Variants in USP9X observed in about 807,000 individuals in gnomAD.
USP9X encodes ubiquitin specific peptidase 9 X-linked, also known as ubiquitin carboxyl-terminal hydrolase 9X.
Under a neutral mutation model 190.3 loss-of-function variants are expected in USP9X, and 7 were observed. The ratio of observed to expected loss-of-function variants is 0.04; its 90% CI spans 0.02 to 0.07. USP9X has a LOEUF of 0.07. Among genes scored for constraint, USP9X ranks in the 10% least tolerant of loss-of-function variants. The probability of loss-of-function intolerance (pLI) is 1.00; values close to 1 mark genes in which losing one functional copy is unlikely to be tolerated. For missense variants in USP9X, 1,010 were observed against 1,916.9 expected (o/e 0.53, Z 8.83); for synonymous variants, 645 against 659.5 (o/e 0.98, Z 0.34).
At chrX:41,213,843 G>A (rs2063187877) in intron 33 of USP9X, among the ~76,000 whole-genome samples, 1 of 111,941 alleles carries the variant, frequency 8.9e-6, no homozygotes, top group South Asian at 3.7e-4. Flanking sequence ...TTTTTCCGGA[G>A]TTTAAAATTC....
chrX:41,180,051 T>C (rs758079912), intron 21 of USP9X, among the ~76,000 whole-genome samples: 3 of 111,686 alleles, frequency 2.7e-5, no homozygotes, highest in Non-Finnish European at 5.6e-5. Context: ...CTGATAAATA[T>C]AGTGCAGTAC....
intron 21 of USP9X, among the ~76,000 whole-genome samples, chrX:41,181,351 T>G (rs1396497621): frequency 1.1e-5 from 1 of 94,885 alleles, no homozygotes; most frequent in Admixed American, 1.2e-4. Flanking sequence ...TGATCCTAGC[T>G]CACTGTAACC....
At chrX:41,097,974 CTT>C (rs2062004762) in intron 1 of USP9X, among the ~76,000 whole-genome samples, 1 of 111,304 alleles carries the variant, frequency 9.0e-6, no homozygotes, top group Non-Finnish European at 1.9e-5. Flanking sequence ...AGATATATAA[CTT>C]ACAGTAAAAT....
At chrX:41,155,931 C>T (rs1214549575) in intron 14 of USP9X, among the ~76,000 whole-genome samples, 2 of 111,708 alleles carry the variant, frequency 1.8e-5, no homozygotes, top group Admixed American at 1.9e-4. Context: ...TTGGCTTTCA[C>T]TGGCCATAAT....
chrX:41,204,697 G>A (rs1170038720), intron 31 of USP9X, among the ~76,000 whole-genome samples: 3 of 111,373 alleles, frequency 2.7e-5, no homozygotes, highest in East Asian at 2.8e-4. Flanking sequence ...CAGATTCACC[G>A]TTGGTTTGCA....
At chrX:41,132,736 A>G (rs1473114049) in intron 4 of USP9X, among the ~76,000 whole-genome samples, 1 of 103,383 alleles carries the variant, frequency 9.7e-6, no homozygotes, top group Non-Finnish European at 2.0e-5. Context: ...GGCGTGAGCT[A>G]CTGTACCCAG....
At chrX:41,125,718 TCGCGCACG>T (rs1375394601) in intron 2 of USP9X, among the ~76,000 whole-genome samples, 1 of 99,184 alleles carries the variant, frequency 1.0e-5, no homozygotes, top group African/African-American at 4.1e-5. Context: ...TCTCTCTCTC[TCGCGCACG>T]CGCGCGCGCT....
intron 23 of USP9X, among the ~76,000 whole-genome samples, chrX:41,185,529 G>A (rs2062865625): frequency 9.0e-6 from 1 of 111,579 alleles, no homozygotes; most frequent in South Asian, 3.7e-4. Flanking sequence ...CTGAAGCTAA[G>A]TAATATGTAC....
chrX:41,150,282 A>T (rs1748014611), intron 12 of USP9X, among the ~76,000 whole-genome samples: 1 of 111,795 alleles, frequency 8.9e-6, no homozygotes, highest in African/African-American at 3.2e-5. Flanking sequence ...TTAGGGGAAG[A>T]GGTGAAGTAA....
chrX:41,208,138 A>G (rs900246313), intron 32 of USP9X, among the ~76,000 whole-genome samples: 6 of 108,517 alleles, frequency 5.5e-5, no homozygotes, highest in African/African-American at 1.7e-4. Context: ...GGTTCAAGCA[A>G]TTCTCCTGTC....
chrX:41,159,013 C>T (rs2062604306), intron 14 of USP9X, among the ~76,000 whole-genome samples: 1 of 111,585 alleles, frequency 9.0e-6, no homozygotes, highest in African/African-American at 3.3e-5. Context: ...TGCTTTCCCC[C>T]TAGGAACAAG....
chrX:41,185,228 A>G (rs2062863205), intron 23 of USP9X, among the ~76,000 whole-genome samples: 2 of 112,590 alleles, frequency 1.8e-5, no homozygotes, highest in African/African-American at 6.5e-5. Context: ...GATAGAAGGT[A>G]AAACTTCAGG....
chrX:41,119,940 T>C (rs1204029996), intron 1 of USP9X, among the ~76,000 whole-genome samples: 1 of 112,778 alleles, frequency 8.9e-6, no homozygotes, highest in Non-Finnish European at 1.9e-5. Flanking sequence ...CGTAACACTC[T>C]TTGTAATTTA....
At chrX:41,179,440 T>A (rs2062807383) in intron 21 of USP9X, among the ~76,000 whole-genome samples, 1 of 111,671 alleles carries the variant, frequency 9.0e-6, no homozygotes, top group Non-Finnish European at 1.9e-5. Context: ...CTTTCATCAG[T>A]TTTTTTTGTA....
At chrX:41,148,209 T>TA (rs973069386) in intron 11 of USP9X, among the ~76,000 whole-genome samples, 160 bp from the exon 12 acceptor site, 1 of 111,279 alleles carries the variant, frequency 9.0e-6, no homozygotes, top group East Asian at 2.8e-4. Flanking sequence ...CTCTACCCTA[T>TA]AAAAAAAATA....
chrX:41,184,071 A>G lies in USP9X; in HGVS notation c.3222A>G (p.Pro1074=). 1.7e-6 allele frequency: 2 copies of G among 1,210,614 alleles called. No individual in the cohort carries two copies. The highest frequency in any genetic ancestry group is 2.2e-5 in the Admixed American group (1 of 45,947). The change falls in exon 22 of 45, where the codon CCA becomes CCG. Residue 1074 remains proline, a synonymous_variant. Coordinates refer to ENST00000378308, the MANE Select transcript of USP9X (RefSeq NM_001039591.3). ...HAKLGESSLS[P]SLDSLFFGPS... is the part of the protein sequence containing the mutation. ...AACTTGGAGAAAGCAGCCTTAGTCC[A>G]TCTCTTGACTCACTTTTCTTTGGTC...
At chrX:41,222,912 AAAG>A (rs2063277487) in intron 38 of USP9X, among the ~76,000 whole-genome samples, 1 of 111,591 alleles carries the variant, frequency 9.0e-6, no homozygotes, top group African/African-American at 3.3e-5. Context: ...CTGTCTCAAA[AAAG>A]AAAGAAAGTG....
At chrX:41,205,242 G>C in intron 31 of USP9X, 61 bp from the exon 32 acceptor site, 1 of 877,177 alleles carries the variant, frequency 1.1e-6, no homozygotes, top group Non-Finnish European at 1.6e-6. Flanking sequence ...TAACTGCTTG[G>C]CATTTGTCTC....
At chrX:41,187,864 T>G in intron 24 of USP9X, 128 bp from the exon 25 acceptor site, 3 of 606,565 alleles carry the variant, frequency 4.9e-6, no homozygotes, top group Non-Finnish European at 7.0e-6. Context: ...AAAGGCAACT[T>G]GGGAATTTAA....
Sources: gnomAD v4.1 joint callset for allele counts (sites outside exome capture counted in the v4.1 genomes callset) on GRCh38, gnomAD v4.1.1 for gene constraint, MANE v1.5 for transcripts, NCBI Gene and HGNC (gene_info 2026-07-23, HGNC 2026-07-21) for gene names.